The following GAS7 variants were observed in gnomAD, a reference collection of about 807,000 sequenced individuals.
GAS7 encodes growth arrest-specific protein 7.
In GAS7, 28 loss-of-function variants were observed where a neutral mutation model predicts 71.1. The ratio of observed to expected loss-of-function variants is 0.39; its 90% CI spans 0.29 to 0.54. GAS7 has a LOEUF of 0.54. GAS7 is among the 20% of genes least tolerant of loss of function. GAS7 has a pLI of 0.62. For synonymous variants in GAS7, 258 were observed against 245.8 expected, an observed-to-expected ratio of 1.05 and a Z score of -0.46; for missense variants, 436 against 627.8, an observed-to-expected ratio of 0.69 and a Z score of 3.27.
At chr17:9,957,100 C>T (rs1037727264) in intron 5 of GAS7, among the ~76,000 whole-genome samples, 7 of 147,336 alleles carry the variant, frequency 4.8e-5, no homozygotes, top group East Asian at 4.0e-4. Flanking sequence ...TCTGGCCAGT[C>T]GCTCCTTTGC....
At chr17:10,193,147 A>G (rs1368101255) in intron 1 of GAS7, among the ~76,000 whole-genome samples, 2 of 151,814 alleles carry the variant, frequency 1.3e-5, no homozygotes, top group East Asian at 1.9e-4. Flanking sequence ...GCCTAAAAAA[A>G]GCTGGACTGG....
At chr17:10,175,241 C>T (rs8066619) in intron 1 of GAS7, among the ~76,000 whole-genome samples, 36,387 of 150,614 alleles carry the variant, frequency 0.24, 4,638 homozygotes, top group South Asian at 0.26. Flanking sequence ...GACAAGCAAA[C>T]TGTCCCTAGG....
intron 1 of GAS7, among the ~76,000 whole-genome samples, chr17:10,060,878 G>A (rs764675081): frequency 2.0e-5 from 3 of 152,156 alleles, no homozygotes; most frequent in Non-Finnish European, 4.4e-5. Flanking sequence ...CCCCCCTGAG[G>A]ACATTTGGCA....
chr17:10,110,198 G>A lies in GAS7; in HGVS notation c.183+88010C>T, dbSNP rs181439127. Among the ~76,000 whole-genome samples, 12 of 152,144 alleles carry A rather than the reference G, an allele frequency of 7.9e-5. No homozygotes were observed. In the East Asian group the frequency reaches 1.7e-3, roughly 22 times the overall value. On this transcript the variant is annotated intron_variant, in intron 1 of 13. Coordinates refer to ENST00000432992, the MANE Select transcript of GAS7 (RefSeq NM_201433.2). ...TAAAAAAATGCGGTATATATACACC[G>A]TGGAATTCTATTCAGCATGAAAAAG...
At chr17:9,965,013 G>A (rs903451154) in intron 4 of GAS7, among the ~76,000 whole-genome samples, 1 of 152,112 alleles carries the variant, frequency 6.6e-6, no homozygotes, top group Non-Finnish European at 1.5e-5. Flanking sequence ...GGAAGTTCGT[G>A]AGAAGCCAGA....
rs1250921912 is a variant in GAS7 at position 10,105,323 on chromosome 17, A to T, written c.184-85426T>A. ...TCCACAAACACCGGCCCCTCCTCTG[A>T]TCTTCTCCAGCACCTGCCTGCAGCC... On this transcript the variant is annotated intron_variant, in intron 1 of 13. Transcript: ENST00000432992. Among the ~76,000 whole-genome samples the T allele has an allele frequency of 5.9e-5, 9 of 152,032 alleles. No homozygotes were observed. The East Asian group carries it at 1.4e-3, about 23-fold the overall frequency.
At chr17:9,964,541 T>C (rs547948119) in intron 4 of GAS7, among the ~76,000 whole-genome samples, 1 of 152,282 alleles carries the variant, frequency 6.6e-6, no homozygotes, top group Non-Finnish European at 1.5e-5. Context: ...CCTCCAGGCA[T>C]CCACGATGCT....
chr17:10,048,247 A>C (rs2073009139), intron 1 of GAS7, among the ~76,000 whole-genome samples: 2 of 152,258 alleles, frequency 1.3e-5, no homozygotes, highest in African/African-American at 2.4e-5. Flanking sequence ...GGTTGCAGAG[A>C]GCGGTGATCG....
At position 9,969,948 on chromosome 17, in the gene GAS7, C is replaced by G. The variant is rs956623835; in HGVS notation, c.386-186G>C. Among the ~76,000 whole-genome samples the G allele has an allele frequency of 2.0e-5, 3 of 152,232 alleles. No individual in the cohort carries two copies. Among genetic ancestry groups the G allele is most frequent in the Non-Finnish European group, 4.4e-5 (3 of 68,052 alleles). ...AGCTGGAAATGGGTTGAAGGCATCTCTCTAATCCTCAGCACCCAAATTACT... is the reference window on the plus strand; with the variant it reads ...AGCTGGAAATGGGTTGAAGGCATCTGTCTAATCCTCAGCACCCAAATTACT... On this transcript the variant is annotated intron_variant, in intron 3 of 13. Coordinates refer to ENST00000432992, the MANE Select transcript of GAS7 (RefSeq NM_201433.2). The surrounding 1 kb of genome is among the most constrained non-coding windows in gnomAD (Gnocchi z 5.5).
intron 1 of GAS7, chr17:10,039,757 G>A (rs149530844): frequency 8.8e-5 from 40 of 456,364 alleles, no homozygotes; most frequent in East Asian, 6.3e-4. Flanking sequence ...CTCGTCTTGC[G>A]TTCAATCTTG....
rs375552919 is a variant in GAS7 at position 9,917,325 on chromosome 17, T to A, written c.1334A>T (p.Asp445Val). Residue 445 changes from aspartate to valine, a missense_variant, in exon 14 of 14, where the codon GAT becomes GTT. Asp to Val is a radical substitution (Grantham distance 152). Transcript: ENST00000432992. ...CGGGTCCACTTTTCGAAGCAGCTGA[T>A]CCACGGGCTCGACTGTCTGCAAGAG... is the stretch of plus-strand genomic sequence containing the variant. ...MFNQSTVEPVDQLLRKVDPAK... is the reference protein window; with the variant it reads ...MFNQSTVEPVVQLLRKVDPAK... 7 of 1,613,330 alleles carry A rather than the reference T, an allele frequency of 4.3e-6. No homozygotes were observed. The highest frequency in any genetic ancestry group is 4.5e-5 in the East Asian group (2 of 44,890).
intron 1 of GAS7, among the ~76,000 whole-genome samples, chr17:10,154,967 C>G (rs2074194239): frequency 6.6e-6 from 1 of 150,390 alleles, no homozygotes; most frequent in Non-Finnish European, 1.5e-5. Context: ...AAACCCATGT[C>G]CACAGTCTGC....
chr17:10,063,265 C>CGT (rs57484545), intron 1 of GAS7, among the ~76,000 whole-genome samples: 1 of 152,336 alleles, frequency 6.6e-6, no homozygotes. Context: ...GCACCTGGCA[C>CGT]GTGTGTGTGC....
Position 10,169,775 on chromosome 17 carries a change from C to T in GAS7, c.183+28433G>A, listed in dbSNP as rs566249158. Among the ~76,000 whole-genome samples the T allele has an allele frequency of 2.0e-4, 30 of 152,250 alleles. 1 individual carries two copies. Among genetic ancestry groups the T allele is most frequent in the Admixed American group, 1.0e-3 (16 of 15,294 alleles). On this transcript the variant is annotated intron_variant, in intron 1 of 13. Coordinates refer to ENST00000432992, the MANE Select transcript of GAS7 (RefSeq NM_201433.2). ...AGTACAGCGGCTTGAAGACTATCTA[C>T]GCCATAACGACTTCAAATTTATACC...
chr17:9,915,049 G>GAAGA lies in GAS7; in HGVS notation c.*2175_*2178dup. The GAAGA allele has an allele frequency of 4.3e-6, 1 of 231,642 alleles. No individual in the cohort carries two copies. The allele number at this position is 231,642 out of a possible 1,614,324, so 14.3% of individuals were successfully genotyped here. A position where few individuals can be genotyped will look rare whatever the true frequency, so the allele number is the denominator to read the frequency against. On this transcript the variant is annotated 3_prime_UTR_variant, in exon 14 of 14. Coordinates refer to ENST00000432992, the MANE Select transcript of GAS7 (RefSeq NM_201433.2). The stretch of plus-strand genomic sequence containing the variant: ...CTGCTTGATGAATGAATAACAGAGG[G>GAAGA]AAGAAAGAAAGGAAGTACGTGAAGG...
At chr17:10,088,346 G>A (rs1251313544) in intron 1 of GAS7, among the ~76,000 whole-genome samples, 1 of 152,012 alleles carries the variant, frequency 6.6e-6, no homozygotes, top group Admixed American at 6.6e-5. Context: ...ACCTTAGGAG[G>A]GATAGAGGGG....
chr17:9,985,783 C>T (rs1430797523), intron 2 of GAS7, among the ~76,000 whole-genome samples: 1 of 152,220 alleles, frequency 6.6e-6, no homozygotes, highest in Non-Finnish European at 1.5e-5. Flanking sequence ...CCCCTTGTCT[C>T]AAATCAAACA....
chr17:9,967,233 A>G, intron 4 of GAS7, among the ~76,000 whole-genome samples: 1 of 149,672 alleles, frequency 6.7e-6, no homozygotes, highest in East Asian at 2.0e-4. Context: ...AAATGTGTTC[A>G]TTTTAGGAAA....
intron 1 of GAS7, among the ~76,000 whole-genome samples, chr17:10,067,584 C>G (rs1399805782): frequency 2.6e-5 from 4 of 152,176 alleles, no homozygotes; most frequent in Non-Finnish European, 1.5e-5. Context: ...ACCCCCACCC[C>G]CTCTGGCTAG....
Sources: gnomAD v4.1 joint callset for allele counts (sites outside exome capture counted in the v4.1 genomes callset) on GRCh38, gnomAD v4.1.1 for gene constraint, Gnocchi (gnomAD v3.1) non-coding constraint, MANE v1.5 for transcripts, NCBI Gene and HGNC (gene_info 2026-07-23, HGNC 2026-07-21) for gene names.